LYPLA2: variants seen among roughly 807,000 people sequenced by gnomAD.
The protein encoded by LYPLA2 is lysophospholipase 2.
In LYPLA2, 7 loss-of-function variants were observed where a neutral mutation model predicts 30.3. The ratio of observed to expected loss-of-function variants is 0.23; its 90% CI spans 0.13 to 0.43. The LOEUF is 0.43. LYPLA2 is among the 20% of genes least tolerant of loss of function. The probability of loss-of-function intolerance (pLI) is 1.00; values close to 1 mark genes in which losing one functional copy is unlikely to be tolerated. For synonymous variants in LYPLA2, 112 were observed against 118.2 expected, an observed-to-expected ratio of 0.95 and a Z score of 0.34; for missense variants, 206 against 307.9, an observed-to-expected ratio of 0.67 and a Z score of 2.48.
rs967306948 is a variant in LYPLA2 at position 23,793,645 on chromosome 1, T to C, written c.177-60T>C. The C allele has an allele frequency of 1.3e-5, 21 of 1,572,988 alleles. No homozygotes were observed. The African/African-American group carries it at 2.8e-4, about 21-fold the overall frequency. ...GGCGGCGCGGCCCCACTCCGGGCTC[T>C]GAGCTCTGGCCTCCTCATTCCTCCT... On this transcript the variant is annotated intron_variant, in intron 4 of 9. Transcript: ENST00000374514. This position sits in a 1 kb window ranked among gnomAD's most constrained non-coding sequence, Gnocchi z 6.0.
rs754873716 is a variant in LYPLA2 at position 23,794,373 on chromosome 1, G to C, written c.471+48G>C. On this transcript the variant is annotated intron_variant, in intron 8 of 9. Coordinates refer to ENST00000374514, the MANE Select transcript of LYPLA2 (RefSeq NM_007260.3). The surrounding 1 kb of genome is among the most constrained non-coding windows in gnomAD (Gnocchi z 5.9). ...CCGCCCTTTGTGTCTGCATCCTCGT[G>C]GCTTGGGGACTGCTGCAGCACTAGC... The C allele has an allele frequency of 4.4e-6, 7 of 1,606,204 alleles. No individual in the cohort carries two copies. In the African/African-American group the frequency reaches 9.4e-5, roughly 21 times the overall value.
intron 2 of LYPLA2, 73 bp from the exon 3 acceptor site, chr1:23,792,935 G>A (rs1034139289): frequency 5.9e-6 from 9 of 1,533,258 alleles, no homozygotes; most frequent in African/African-American, 1.4e-5. Flanking sequence ...CCTTGGGGGT[G>A]GGGGAGGGGT....
chr1:23,794,364 C>T lies in LYPLA2; in HGVS notation c.471+39C>T, dbSNP rs764220682. On this transcript the variant is annotated intron_variant, in intron 8 of 9. Coordinates refer to ENST00000374514, the MANE Select transcript of LYPLA2 (RefSeq NM_007260.3). The surrounding 1 kb of genome is among the most constrained non-coding windows in gnomAD (Gnocchi z 5.9). ...CTGACCCCCCCGCCCTTTGTGTCTG[C>T]ATCCTCGTGGCTTGGGGACTGCTGC... 14 of 1,591,906 alleles carry T rather than the reference C, an allele frequency of 8.8e-6. No individual in the cohort carries two copies. The highest frequency in any genetic ancestry group is 1.0e-5 in the Non-Finnish European group (12 of 1,160,656).
Position 23,794,911 on chromosome 1 carries a change from C to A in LYPLA2, c.*179C>A. 1.3e-6 allele frequency: 1 copy of A among 751,494 alleles called. No individual in the cohort carries two copies. The highest frequency in any genetic ancestry group is 1.5e-5 in the South Asian group (1 of 67,448). 46.6% of individuals were successfully genotyped at this position (751,494 alleles called of 1,614,324 possible). A position where few individuals can be genotyped will look rare whatever the true frequency, so the allele number is the denominator to read the frequency against. The stretch of plus-strand genomic sequence containing the variant: ...GCCGGGCCTTCCTTCCTGGCCTTAG[C>A]CACCTGGCTCTGTCTGCAGCAGGGG... On this transcript the variant is annotated 3_prime_UTR_variant, in exon 10 of 10. Coordinates refer to ENST00000374514, the MANE Select transcript of LYPLA2 (RefSeq NM_007260.3). This position sits in a 1 kb window ranked among gnomAD's most constrained non-coding sequence, Gnocchi z 5.9.
Position 23,794,147 on chromosome 1 carries a change from AGGGGTGGG to A in LYPLA2, c.369+17_369+24del. 7 of 167,812 alleles carry A rather than the reference AGGGGTGGG, an allele frequency of 4.2e-5. No individual in the cohort carries two copies. The highest frequency in any genetic ancestry group is 7.7e-5 in the Non-Finnish European group (7 of 91,016). 10.4% of individuals were successfully genotyped at this position (167,812 alleles called of 1,614,324 possible). ...GGAGGCTTTTCACAGGTGAGGGGAGAGGGGTGGGGGGGTAGGGGGTAGGGGTGGCCGGT... is the reference window on the plus strand; with the variant it reads ...GGAGGCTTTTCACAGGTGAGGGGAGAGGGGTAGGGGGTAGGGGTGGCCGGT... On this transcript the variant is annotated intron_variant, in intron 7 of 9. Transcript: ENST00000374514. The surrounding 1 kb of genome is among the most constrained non-coding windows in gnomAD (Gnocchi z 5.9).
intron 1 of LYPLA2, 136 bp from the exon 2 acceptor site, chr1:23,792,521 G>A: frequency 1.6e-6 from 1 of 643,148 alleles, no homozygotes; most frequent in Admixed American, 2.4e-5. Context: ...TGTGCCCTGG[G>A]ACTTCTTGCT....
chr1:23,794,646 C>A lies in LYPLA2; in HGVS notation c.646-36C>A. On this transcript the variant is annotated intron_variant, in intron 9 of 9. Transcript: ENST00000374514. The surrounding 1 kb of genome is among the most constrained non-coding windows in gnomAD (Gnocchi z 5.9). The stretch of plus-strand genomic sequence containing the variant: ...CCACTCCCACTTCTCTGCCTCCAGC[C>A]AGGTGCCTCTCGTGATCCCCTCTTA... 3.1e-6 allele frequency: 5 copies of A among 1,614,176 alleles called. No individual in the cohort carries two copies. Among genetic ancestry groups the A allele is most frequent in the Non-Finnish European group, 4.2e-6 (5 of 1,179,988 alleles).
intron 2 of LYPLA2, 80 bp from the exon 3 acceptor site, chr1:23,792,928 T>TG: frequency 7.5e-7 from 1 of 1,331,108 alleles, no homozygotes; most frequent in South Asian, 1.3e-5. Flanking sequence ...CCCAGGTCCT[T>TG]GGGGGTGGGG....
In LYPLA2 at chr1:23,793,336, G is replaced by A; in HGVS notation, c.176+120G>A. The A allele has an allele frequency of 9.3e-7, 1 of 1,077,098 alleles. No individual in the cohort carries two copies. The highest frequency in any genetic ancestry group is 1.4e-6 in the Non-Finnish European group (1 of 723,476). 66.7% of individuals were successfully genotyped at this position (1,077,098 alleles called of 1,614,324 possible). Reference sequence around the variant, plus strand: ...CTGGGGCTTGGGCTCAGGGCAGTCAGAAGTGGCATTTTCAGCCTGAGCTCC... The same window carrying A: ...CTGGGGCTTGGGCTCAGGGCAGTCAAAAGTGGCATTTTCAGCCTGAGCTCC... On this transcript the variant is annotated intron_variant, in intron 4 of 9. Transcript: ENST00000374514. This position sits in a 1 kb window ranked among gnomAD's most constrained non-coding sequence, Gnocchi z 6.0.
intron 1 of LYPLA2, 35 bp from the exon 2 acceptor site, chr1:23,792,622 G>C (rs1638818439): frequency 1.4e-6 from 2 of 1,386,368 alleles, no homozygotes; most frequent in Non-Finnish European, 2.0e-6. Flanking sequence ...TCCTGTGCCT[G>C]GTTTTGCTCT....
chr1:23,791,345 G>C (rs2502985), intron 1 of LYPLA2, 95 bp downstream of exon 1: 1 of 131,180 alleles, frequency 7.6e-6, no homozygotes. Flanking sequence ...TGATGGGGGG[G>C]ATGGGGGTGG....
Position 23,792,743 on chromosome 1 carries a change from G to C in LYPLA2, c.61G>C (p.Glu21Gln), listed in dbSNP as rs140351723. ...LTDAATVSGA[E>Q]RETAAVIFLH... ...CGATGCTGCCACCGTGTCTGGAGCT[G>C]AGCGGGAAACGGCCGCGGTAAGGGT... Residue 21 changes from glutamate (E) to glutamine (Q), a missense_variant, in exon 2 of 10, where the codon GAG becomes CAG. By Grantham distance (29) the Glu-to-Gln change is conservative. Transcript: ENST00000374514. 268 of 1,612,492 alleles carry C rather than the reference G, an allele frequency of 1.7e-4. No individual in the cohort carries two copies. Among genetic ancestry groups the C allele is most frequent in the Non-Finnish European group, 2.9e-5 (34 of 1,179,894 alleles).
chr1:23,792,240 C>T (rs554328939), intron 1 of LYPLA2, among the ~76,000 whole-genome samples: 1 of 152,044 alleles, frequency 6.6e-6, no homozygotes, highest in Admixed American at 6.5e-5. Context: ...CTCTCCATTT[C>T]CCATAGGGCC....
chr1:23,794,964 G>A lies in LYPLA2; in HGVS notation c.*232G>A. 1 of 694,520 alleles carries A rather than the reference G, an allele frequency of 1.4e-6. No individual in the cohort carries two copies. The highest frequency in any genetic ancestry group is 2.6e-6 in the Non-Finnish European group (1 of 381,404). The allele number at this position is 694,520 out of a possible 1,614,324, so 43.0% of individuals were successfully genotyped here. ...GGCTGCTTTCTTATCCATTTCCCTG[G>A]AGGCGGGCCCCCCTGGCAGCAGTAT... On this transcript the variant is annotated 3_prime_UTR_variant, in exon 10 of 10. Transcript: ENST00000374514. The surrounding 1 kb of genome is among the most constrained non-coding windows in gnomAD (Gnocchi z 5.9).
rs754866944 is a variant in LYPLA2 at position 23,795,072 on chromosome 1, G to GC, written c.*345dup. ...ACCTCACTCACTAGCCCCGCTTTGGGCCCCCTCCTGTGACCTCAGGGTTTG... is the reference window on the plus strand; with the variant it reads ...ACCTCACTCACTAGCCCCGCTTTGGGCCCCCCTCCTGTGACCTCAGGGTTTG... On this transcript the variant is annotated 3_prime_UTR_variant, in exon 10 of 10. Coordinates refer to ENST00000374514, the MANE Select transcript of LYPLA2 (RefSeq NM_007260.3). 2.4e-5 allele frequency: 12 copies of GC among 500,188 alleles called. No homozygotes were observed. Among genetic ancestry groups the GC allele is most frequent in the Non-Finnish European group, 4.2e-5 (11 of 264,696 alleles). 31.0% of individuals were successfully genotyped at this position (500,188 alleles called of 1,614,324 possible).
Position 23,794,973 on chromosome 1 carries a change from C to T in LYPLA2, c.*241C>T. On this transcript the variant is annotated 3_prime_UTR_variant, in exon 10 of 10. Transcript: ENST00000374514. The surrounding 1 kb of genome is among the most constrained non-coding windows in gnomAD (Gnocchi z 5.9). ...CTTATCCATTTCCCTGGAGGCGGGC[C>T]CCCCTGGCAGCAGTATTGGAGGGGC... 1 of 688,044 alleles carries T rather than the reference C, an allele frequency of 1.5e-6. No individual in the cohort carries two copies. Among genetic ancestry groups the T allele is most frequent in the Non-Finnish European group, 2.7e-6 (1 of 377,118 alleles). The allele number at this position is 688,044 out of a possible 1,614,324, so 42.6% of individuals were successfully genotyped here. A position where few individuals can be genotyped will look rare whatever the true frequency, so the allele number is the denominator to read the frequency against.
Position 23,794,163 on chromosome 1 carries a change from G to C in LYPLA2, c.369+27G>C, listed in dbSNP as rs774988660. The C allele has an allele frequency of 2.0e-6, 2 of 986,930 alleles. No individual in the cohort carries two copies. Among genetic ancestry groups the C allele is most frequent in the Admixed American group, 1.8e-5 (1 of 54,560 alleles). 61.1% of individuals were successfully genotyped at this position (986,930 alleles called of 1,614,324 possible). A position where few individuals can be genotyped will look rare whatever the true frequency, so the allele number is the denominator to read the frequency against. ...TGAGGGGAGAGGGGTGGGGGGGTAG[G>C]GGGTAGGGGTGGCCGGTGAGTGAGC... On this transcript the variant is annotated intron_variant, in intron 7 of 9. Coordinates refer to ENST00000374514, the MANE Select transcript of LYPLA2 (RefSeq NM_007260.3). The surrounding 1 kb of genome is among the most constrained non-coding windows in gnomAD (Gnocchi z 5.9).
Position 23,792,690 on chromosome 1 carries a change from G to GT in LYPLA2, c.9dup (p.Asn4Ter), listed in dbSNP as rs1396225927. On this transcript the variant is annotated frameshift_variant, in exon 2 of 10. Coordinates refer to ENST00000374514, the MANE Select transcript of LYPLA2 (RefSeq NM_007260.3). LOFTEE classifies it high-confidence loss of function. ...CGTGGAGCCGTGTGGTGTATGTGTG[G>GT]TAACACCATGTCTGTGCCCCTGCTC... 6.2e-7 allele frequency: 1 copy of GT among 1,611,804 alleles called. No homozygotes were observed. The highest frequency in any genetic ancestry group is 1.7e-5 in the Admixed American group (1 of 60,014).
chr1:23,792,860 A>T, intron 2 of LYPLA2, 100 bp downstream of exon 2: 2 of 1,272,090 alleles, frequency 1.6e-6, no homozygotes, highest in Non-Finnish European at 2.2e-6. Flanking sequence ...ATGAGCAGGG[A>T]GTATCCTGAG....
Sources: gnomAD v4.1 joint callset for allele counts (sites outside exome capture counted in the v4.1 genomes callset) on GRCh38, gnomAD v4.1.1 for gene constraint, Gnocchi (gnomAD v3.1) non-coding constraint, MANE v1.5 for transcripts, NCBI Gene and HGNC (gene_info 2026-07-23, HGNC 2026-07-21) for gene names.